The following CSMD3 variants were observed in gnomAD, a reference collection of about 807,000 sequenced individuals.
The protein encoded by CSMD3 is CUB and Sushi multiple domains 3, also known as CUB and sushi domain-containing protein 3.
A neutral mutation model predicts 435.2 loss-of-function variants in CSMD3; 177 were observed. The observed-to-expected ratio is 0.41, with a 90% CI of 0.36 to 0.46. CSMD3 has a LOEUF of 0.46. Ranked by LOEUF, CSMD3 falls within the 20% of genes least tolerant of loss-of-function variation. The pLI is 0.34. For missense variants in CSMD3, 4,265 were observed against 4,504.6 expected (o/e 0.95, Z 1.52); for synonymous variants, 1,656 against 1,520.5 (o/e 1.09, Z -2.07).
chr8:113,003,847 A>G (rs770072157), intron 6 of CSMD3, among the ~76,000 whole-genome samples: 3 of 152,074 alleles, frequency 2.0e-5, no homozygotes, highest in Non-Finnish European at 4.4e-5. Flanking sequence ...ATACAAATCA[A>G]ATATATGTCA....
At chr8:112,967,512 T>C (rs1442044411) in intron 7 of CSMD3, among the ~76,000 whole-genome samples, 1 of 151,808 alleles carries the variant, frequency 6.6e-6, no homozygotes, top group African/African-American at 2.4e-5. Context: ...CCTGGTGTGC[T>C]TTCTCCTCTG....
At chr8:112,369,405 A>G (rs1828102946) in intron 38 of CSMD3, among the ~76,000 whole-genome samples, 1 of 152,254 alleles carries the variant, frequency 6.6e-6, no homozygotes, top group Non-Finnish European at 1.5e-5. Flanking sequence ...CAATTAACAA[A>G]AGAACATATT....
At chr8:113,388,871 T>C (rs1020406862) in intron 1 of CSMD3, among the ~76,000 whole-genome samples, 3 of 151,608 alleles carry the variant, frequency 2.0e-5, no homozygotes, top group Non-Finnish European at 4.4e-5. Context: ...TCAAATAAAA[T>C]ACCTGCTTAT....
chr8:112,233,366 A>C (rs1180070105), intron 68 of CSMD3, among the ~76,000 whole-genome samples: 1 of 152,204 alleles, frequency 6.6e-6, no homozygotes, highest in Non-Finnish European at 1.5e-5. Context: ...GGCCACCCTA[A>C]AAAATAAAGT....
In CSMD3 at chr8:113,156,673, G is replaced by A. The variant is rs111703857; in HGVS notation, c.709+17049C>T. 3.5e-3 allele frequency among the ~76,000 whole-genome samples: 538 copies of A among 151,684 alleles called. 3 individuals carry two copies. Among genetic ancestry groups the A allele is most frequent in the African/African-American group, 0.012 (503 of 41,404 alleles). On this transcript the variant is annotated intron_variant, in intron 4 of 70. Transcript: ENST00000297405. ...CCCAGCATTTTGGGAGGCTGAGGAA[G>A]GTGGATCACATGAGCCAAGGAGTTG...
rs775298453 is a variant in CSMD3 at position 112,589,915 on chromosome 8, G to A, written c.3716-2680C>T. 6.0e-4 allele frequency among the ~76,000 whole-genome samples: 92 copies of A among 152,216 alleles called. 1 individual carries two copies. The highest frequency in any genetic ancestry group is 2.0e-4 in the Admixed American group (3 of 15,282). ...TATCACTGAACAGTAACAAATGTATGACTCAGAAGATTATGTCAATGTTAA... is the reference window on the plus strand; with the variant it reads ...TATCACTGAACAGTAACAAATGTATAACTCAGAAGATTATGTCAATGTTAA... On this transcript the variant is annotated intron_variant, in intron 22 of 70. Transcript: ENST00000297405.
At chr8:113,400,476 G>T (rs1287308352) in intron 1 of CSMD3, among the ~76,000 whole-genome samples, 1 of 151,922 alleles carries the variant, frequency 6.6e-6, no homozygotes, top group Non-Finnish European at 1.5e-5. Flanking sequence ...TTTAAAAACT[G>T]CTATGATACT....
chr8:112,578,145 C>A (rs908257939), intron 23 of CSMD3, among the ~76,000 whole-genome samples: 1 of 151,934 alleles, frequency 6.6e-6, no homozygotes. Context: ...TCAAAAAAGT[C>A]TCTATTCTAA....
intron 13 of CSMD3, among the ~76,000 whole-genome samples, chr8:112,784,729 C>A (rs183058845): frequency 6.6e-6 from 1 of 151,936 alleles, no homozygotes; most frequent in Non-Finnish European, 1.5e-5. Context: ...AAATCCAAAA[C>A]CTTAATACAC....
chr8:113,236,440 G>C (rs1001643216), intron 3 of CSMD3, among the ~76,000 whole-genome samples: 1 of 152,110 alleles, frequency 6.6e-6, no homozygotes, highest in African/African-American at 2.4e-5. Context: ...CCTACCAGCA[G>C]CACAATAAGC....
chr8:112,849,087 A>G (rs758529893), intron 11 of CSMD3, among the ~76,000 whole-genome samples: 8 of 152,122 alleles, frequency 5.3e-5, no homozygotes, highest in Non-Finnish European at 1.0e-4. Context: ...TTTTGATGAC[A>G]TATTTTATTT....
chr8:113,053,354 T>C (rs992946565), intron 5 of CSMD3, among the ~76,000 whole-genome samples: 3 of 152,154 alleles, frequency 2.0e-5, no homozygotes, highest in African/African-American at 4.8e-5. Flanking sequence ...AGTAGGAATA[T>C]TGTATTCTTA....
At chr8:112,292,086 C>T (rs903593667) in intron 55 of CSMD3, among the ~76,000 whole-genome samples, 1 of 151,948 alleles carries the variant, frequency 6.6e-6, no homozygotes, top group African/African-American at 2.4e-5. Flanking sequence ...AAGAGTTCTC[C>T]TTAATCTGTT....
intron 11 of CSMD3, among the ~76,000 whole-genome samples, chr8:112,858,764 T>C (rs231301): frequency 0.2 from 30,630 of 151,678 alleles, 3,892 homozygotes; most frequent in Non-Finnish European, 0.29. Flanking sequence ...TAGAGAAACA[T>C]TGAAATTAAA....
At chr8:112,900,959 A>G (rs1484806833) in intron 10 of CSMD3, among the ~76,000 whole-genome samples, 2 of 151,206 alleles carry the variant, frequency 1.3e-5, no homozygotes, top group African/African-American at 4.8e-5. Context: ...TAAGATAGGG[A>G]TACTTCTCAA....
chr8:112,648,940 T>C (rs903293274), intron 19 of CSMD3, among the ~76,000 whole-genome samples: 2 of 152,164 alleles, frequency 1.3e-5, no homozygotes, highest in African/African-American at 2.4e-5. Flanking sequence ...AGTTTAGATA[T>C]GGATGAATTG....
intron 45 of CSMD3, among the ~76,000 whole-genome samples, chr8:112,321,096 TA>T (rs1209409696): frequency 6.6e-6 from 1 of 152,256 alleles, no homozygotes; most frequent in South Asian, 2.1e-4. Flanking sequence ...TAAAGTCTTC[TA>T]AAAATGTACT....
intron 1 of CSMD3, among the ~76,000 whole-genome samples, chr8:113,352,170 A>G (rs1160151495): frequency 6.6e-6 from 1 of 152,140 alleles, no homozygotes; most frequent in Non-Finnish European, 1.5e-5. Context: ...CTTATTTGGA[A>G]TTAGTTTATT....
chr8:112,909,536 T>G (rs1379071762), intron 10 of CSMD3, among the ~76,000 whole-genome samples: 1 of 151,852 alleles, frequency 6.6e-6, no homozygotes, highest in Admixed American at 6.6e-5. Context: ...GTTGAAATGT[T>G]GATACTTTTG....
Sources: allele counts gnomAD v4.1 joint callset (sites outside exome capture counted in the v4.1 genomes callset), GRCh38; gene constraint gnomAD v4.1.1; transcripts MANE v1.5; gene names NCBI Gene and HGNC (gene_info 2026-07-23, HGNC 2026-07-21).